Variants in YTHDC2 observed in about 807,000 individuals in gnomAD.
YTHDC2 encodes the protein YTH N6-methyladenosine RNA binding protein C2.
In YTHDC2, 45 loss-of-function variants were observed where a neutral mutation model predicts 174.9. The observed-to-expected ratio is 0.26, with a 90% CI of 0.20 to 0.33. The LOEUF is 0.33. Among genes scored for constraint, YTHDC2 ranks in the 10% least tolerant of loss-of-function variants. The pLI is 1.00. For missense variants in YTHDC2, 1,650 were observed against 1,723.7 expected, an observed-to-expected ratio of 0.96 and a Z score of 0.76; for synonymous variants, 657 against 574.5, an observed-to-expected ratio of 1.14 and a Z score of -2.05.
At chr5:113,526,826 AATAT>A (rs753695226) in intron 4 of YTHDC2, 41 bp downstream of exon 4, 4,884 of 145,706 alleles carry the variant, frequency 0.034, 78 homozygotes, top group African/African-American at 0.092. Context: ...AAAAAAAAAA[AATAT>A]ATATATATAT....
intron 4 of YTHDC2, among the ~76,000 whole-genome samples, chr5:113,531,950 G>A (rs1774700417): frequency 6.6e-6 from 1 of 152,008 alleles, no homozygotes. Context: ...TTTACTCCAT[G>A]ACTCAGCATT....
At chr5:113,537,625 T>G (rs1381191859) in intron 7 of YTHDC2, among the ~76,000 whole-genome samples, 1 of 151,700 alleles carries the variant, frequency 6.6e-6, no homozygotes, top group Non-Finnish European at 1.5e-5. Flanking sequence ...TATGCTATAC[T>G]CTACTAGGTA....
At position 113,513,828 on chromosome 5, in the gene YTHDC2, T is replaced by G. The variant is rs1580454177; in HGVS notation, c.-68T>G. The G allele has an allele frequency of 6.7e-7, 1 of 1,489,116 alleles. No individual in the cohort carries two copies. Among genetic ancestry groups the G allele is most frequent in the East Asian group, 2.6e-5 (1 of 39,192 alleles). The allele number at this position is 1,489,116 out of a possible 1,614,324, so 92.2% of individuals were successfully genotyped here. A position where few individuals can be genotyped will look rare whatever the true frequency, so the allele number is the denominator to read the frequency against. On this transcript the variant is annotated 5_prime_UTR_variant, in exon 1 of 30. Transcript: ENST00000161863. ...CGGTAGTGGCCCCGGATTCCCACGG[T>G]CTTTGTCATTGGCTGTCAGCTAGCA...
intron 26 of YTHDC2, among the ~76,000 whole-genome samples, chr5:113,589,408 A>AATATATATATATATATATAT (rs34243829): frequency 1.1e-4 from 13 of 123,232 alleles, no homozygotes; most frequent in African/African-American, 4.4e-4. Flanking sequence ...AAAAAAAAAA[A>AATATATATATATATATATAT]ATATATATAT....
intron 10 of YTHDC2, among the ~76,000 whole-genome samples, chr5:113,543,743 T>G (rs1014743916): frequency 3.3e-5 from 5 of 152,240 alleles, no homozygotes; most frequent in Admixed American, 3.3e-4. Context: ...CTTGCCTCCT[T>G]GTTCACTGTG....
chr5:113,547,048 G>A (rs1453489079), intron 10 of YTHDC2, among the ~76,000 whole-genome samples: 3 of 152,120 alleles, frequency 2.0e-5, no homozygotes, highest in South Asian at 2.1e-4. Context: ...CCTCTTTCAC[G>A]TTATTCTGTT....
intron 2 of YTHDC2, among the ~76,000 whole-genome samples, chr5:113,519,199 C>T (rs1375980470): frequency 1.3e-5 from 2 of 152,060 alleles, no homozygotes; most frequent in Non-Finnish European, 2.9e-5. Context: ...TTTGTAATTG[C>T]TCATCTTTTA....
chr5:113,568,025 T>G (rs186778333), intron 23 of YTHDC2, among the ~76,000 whole-genome samples, 176 bp downstream of exon 23: 39 of 152,264 alleles, frequency 2.6e-4, no homozygotes, highest in Non-Finnish European at 5.3e-4. Flanking sequence ...GTTTTTGAAA[T>G]TTATTTATAA....
chr5:113,541,197 T>C, intron 9 of YTHDC2, 81 bp downstream of exon 9: 1 of 1,496,132 alleles, frequency 6.7e-7, no homozygotes, highest in Non-Finnish European at 9.1e-7. Flanking sequence ...TTATAATTTT[T>C]TTTTTTTTTT....
Position 113,548,555 on chromosome 5 carries a change from A to G in YTHDC2, c.1510A>G (p.Ser504Gly). ...CCTTTTTTTAGTTGATTACAGACAT[A>G]GTGAAACCAGTGCAACAGCTCTGAT... ...TENVSVDYRH[S>G]ETSATALMVA... Residue 504 changes from serine (S) to glycine (G), a missense_variant, in exon 11 of 30, where the codon AGT (serine) becomes GGT (glycine). By Grantham distance (56) the Ser-to-Gly change is moderately conservative (BLOSUM62 0). Around this residue, in one of 5 missense-constraint regions of YTHDC2, gnomAD observed 411 missense variants for 380.6 expected, o/e 1.08. Transcript: ENST00000161863. 3 of 1,604,520 alleles carry G rather than the reference A, an allele frequency of 1.9e-6. No homozygotes were observed. The highest frequency in any genetic ancestry group is 2.5e-6 in the Non-Finnish European group (3 of 1,177,140).
At chr5:113,538,650 C>CCCCCGTTA (rs1775245671) in intron 7 of YTHDC2, among the ~76,000 whole-genome samples, 1 of 151,952 alleles carries the variant, frequency 6.6e-6, no homozygotes, top group Non-Finnish European at 1.5e-5. Flanking sequence ...GTTGTCAAAT[C>CCCCCGTTA]CCCCGTTACA....
chr5:113,563,234 C>T (rs760531781), intron 18 of YTHDC2, 139 bp from the exon 19 acceptor site: 6 of 655,798 alleles, frequency 9.1e-6, no homozygotes, highest in Non-Finnish European at 1.4e-5. Context: ...TACAGAAAGA[C>T]ATTGTTCCTT....
rs138503872 is a variant in YTHDC2, at chr5:113,567,427, T to TATATATATATATATATATATATAA, written c.3048+130_3048+131insATATATATATATATATATATATAA. 3.4e-4 allele frequency: 128 copies of TATATATATATATATATATATATAA among 375,072 alleles called. 4 individuals carry two copies. The highest frequency in any genetic ancestry group is 3.2e-3 in the African/African-American group (128 of 39,572). 23.2% of individuals were successfully genotyped at this position (375,072 alleles called of 1,614,324 possible). ...AGTTATATATATATATATATATATA[T>TATATATATATATATATATATATAA]CATTAAATATTGGAACAAAACTTAT... On this transcript the variant is annotated intron_variant, in intron 22 of 29. Coordinates refer to ENST00000161863, the MANE Select transcript of YTHDC2 (RefSeq NM_022828.5).
chr5:113,585,667 T>C (rs889343859), intron 26 of YTHDC2, among the ~76,000 whole-genome samples: 2 of 151,788 alleles, frequency 1.3e-5, no homozygotes, highest in African/African-American at 4.8e-5. Context: ...GAATTTCCTG[T>C]AAATGGAATC....
intron 2 of YTHDC2, among the ~76,000 whole-genome samples, chr5:113,521,917 T>A (rs1394481050): frequency 1.3e-5 from 2 of 151,172 alleles, no homozygotes; most frequent in Non-Finnish European, 2.9e-5. Flanking sequence ...GGCGACAACA[T>A]GAAGTGAACT....
intron 3 of YTHDC2, among the ~76,000 whole-genome samples, 169 bp from the exon 4 acceptor site, chr5:113,526,417 T>G (rs1774241607): frequency 6.6e-6 from 1 of 152,142 alleles, no homozygotes; most frequent in South Asian, 2.1e-4. Flanking sequence ...AGATATTGCT[T>G]GACAACTTTA....
At chr5:113,562,379 T>A (rs1777053108) in intron 18 of YTHDC2, among the ~76,000 whole-genome samples, 1 of 151,236 alleles carries the variant, frequency 6.6e-6, no homozygotes, top group African/African-American at 2.4e-5. Flanking sequence ...CTTTAGTGTG[T>A]TTGGCTAATG....
intron 4 of YTHDC2, among the ~76,000 whole-genome samples, chr5:113,532,380 C>T (rs1042372858): frequency 1.3e-5 from 2 of 152,028 alleles, no homozygotes; most frequent in African/African-American, 4.8e-5. Context: ...TAAATCGTTC[C>T]AACCTGTTTG....
In YTHDC2 at chr5:113,534,364, T is replaced by C. The variant is rs764420334; in HGVS notation, c.902T>C (p.Met301Thr). Residue 301 changes from methionine (M) to threonine (T), a missense_variant, in exon 6 of 30, where the codon ATG becomes ACG. Physicochemically the swap from Met to Thr is moderately conservative, Grantham distance 81. This residue lies in a region of YTHDC2 where 411 missense variants were observed against 380.6 expected (regional missense o/e 1.08). Coordinates refer to ENST00000161863, the MANE Select transcript of YTHDC2 (RefSeq NM_022828.5). ...CTNGVLLRTL[M>T]AGDSTLSTVT... is the part of the protein sequence containing the mutation. ...AATGGGGTATTGCTTCGTACATTGA[T>C]GGCAGGAGATAGTACGTTGTCGACT... 1 of 1,613,084 alleles carries C rather than the reference T, an allele frequency of 6.2e-7. No homozygotes were observed. The highest frequency in any genetic ancestry group is 8.5e-7 in the Non-Finnish European group (1 of 1,179,324).
Sources: allele counts gnomAD v4.1 joint callset (sites outside exome capture counted in the v4.1 genomes callset), GRCh38; gene constraint gnomAD v4.1.1; regional missense constraint gnomAD v4.1.1; transcripts MANE v1.5; gene names NCBI Gene and HGNC (gene_info 2026-07-23, HGNC 2026-07-21).